ANP32A: variants seen among roughly 807,000 people sequenced by gnomAD.
The protein encoded by ANP32A is acidic leucine-rich nuclear phosphoprotein 32 family member A.
Under a neutral mutation model 33.9 loss-of-function variants are expected in ANP32A, and 1 was observed. The ratio of observed to expected loss-of-function variants is 0.03; its 90% CI spans 0.01 to 0.14. The LOEUF is 0.14. ANP32A is among the 10% of genes least tolerant of loss of function. The pLI is 1.00. For missense variants in ANP32A, 155 were observed against 306.0 expected (o/e 0.51, Z 3.68); for synonymous variants, 115 against 120.5 (o/e 0.95, Z 0.30).
In ANP32A at chr15:68,819,658, GAGAA is replaced by G. The variant is rs374007200; in HGVS notation, c.54+1036_54+1039del. ...AATGGCTGCCGACAAGCCCAGCACTGAGAAAGACGGGCCGGGGGTTCGAGCTGGG... is the reference window on the plus strand; with the variant it reads ...AATGGCTGCCGACAAGCCCAGCACTGAGACGGGCCGGGGGTTCGAGCTGGG... On this transcript the variant is annotated intron_variant, in intron 1 of 6. Transcript: ENST00000465139. Among the ~76,000 whole-genome samples, 60 of 152,334 alleles carry G rather than the reference GAGAA, an allele frequency of 3.9e-4. 1 individual carries two copies. In the East Asian group the frequency reaches 8.5e-3, roughly 22 times the overall value.
chr15:68,803,169 T>C (rs968889284), intron 1 of ANP32A, among the ~76,000 whole-genome samples: 5 of 152,230 alleles, frequency 3.3e-5, no homozygotes, highest in African/African-American at 1.2e-4. Flanking sequence ...GGAAGCCATC[T>C]GACCTTTGTA....
intron 1 of ANP32A, among the ~76,000 whole-genome samples, chr15:68,793,960 T>A (rs2140363754): frequency 6.6e-6 from 1 of 152,294 alleles, no homozygotes; most frequent in East Asian, 1.9e-4. Flanking sequence ...CTTTTTCTAG[T>A]ACTTCCTGAG....
intron 4 of ANP32A, among the ~76,000 whole-genome samples, chr15:68,784,021 A>G (rs1893902476): frequency 6.6e-6 from 1 of 152,166 alleles, no homozygotes; most frequent in Non-Finnish European, 1.5e-5. Flanking sequence ...GTCACACTAC[A>G]GAAAGACTGT....
intron 1 of ANP32A, among the ~76,000 whole-genome samples, chr15:68,805,077 C>T (rs1894197878): frequency 6.6e-6 from 1 of 152,140 alleles, no homozygotes; most frequent in South Asian, 2.1e-4. Flanking sequence ...TAAAATAAAC[C>T]CTGGGGGCCC....
chr15:68,819,902 C>T (rs1487008631), intron 1 of ANP32A, among the ~76,000 whole-genome samples: 1 of 152,108 alleles, frequency 6.6e-6, no homozygotes, highest in African/African-American at 2.4e-5. Context: ...AGCATCTGGC[C>T]CGAAGGTGGG....
chr15:68,790,676 C>A (rs1466015603), intron 1 of ANP32A: 2 of 152,176 alleles, frequency 1.3e-5, no homozygotes, highest in Non-Finnish European at 2.9e-5. Flanking sequence ...CACGTCCGAA[C>A]TGCTTATCCT....
At chr15:68,789,023 A>G (rs531792025) in intron 1 of ANP32A, among the ~76,000 whole-genome samples, 2 of 152,330 alleles carry the variant, frequency 1.3e-5, no homozygotes, top group African/African-American at 4.8e-5. Context: ...GCATGAAATG[A>G]CCCTGGGAGT....
At chr15:68,792,454 G>A (rs1040023260) in intron 1 of ANP32A, among the ~76,000 whole-genome samples, 5 of 152,102 alleles carry the variant, frequency 3.3e-5, no homozygotes, top group Admixed American at 3.3e-4. Flanking sequence ...GATTGCTGGG[G>A]GTCCTGTACT....
intron 1 of ANP32A, among the ~76,000 whole-genome samples, chr15:68,812,092 C>T (rs993761046): frequency 2.0e-5 from 3 of 151,772 alleles, no homozygotes; most frequent in Admixed American, 2.0e-4. Flanking sequence ...GGTGTTCTAA[C>T]GGCAACAACA....
chr15:68,800,743 CAAAA>C (rs398070692), intron 1 of ANP32A, among the ~76,000 whole-genome samples: 2 of 83,628 alleles, frequency 2.4e-5, no homozygotes, highest in African/African-American at 4.6e-5. Flanking sequence ...GACTCCGTCT[CAAAA>C]AAAAAAAAAA....
At chr15:68,792,445 A>G (rs1317474521) in intron 1 of ANP32A, among the ~76,000 whole-genome samples, 1 of 152,204 alleles carries the variant, frequency 6.6e-6, no homozygotes, top group African/African-American at 2.4e-5. Context: ...AAGATGTCAG[A>G]TTGCTGGGGG....
Position 68,803,435 on chromosome 15 carries a change from G to GAAT in ANP32A, c.55-15519_55-15517dup, listed in dbSNP as rs1329627609. On this transcript the variant is annotated intron_variant, in intron 1 of 6. Transcript: ENST00000465139. ...AATTCTCTTTTCTTAGAGGAGTCTG[G>GAAT]AATACACTGCTACTTATTTTTTAAA... Among the ~76,000 whole-genome samples the GAAT allele has an allele frequency of 3.3e-5, 5 of 152,302 alleles. No homozygotes were observed. In the South Asian group the frequency reaches 8.3e-4, roughly 25 times the overall value.
chr15:68,810,043 G>C (rs1022423629), intron 1 of ANP32A, among the ~76,000 whole-genome samples: 3 of 152,202 alleles, frequency 2.0e-5, no homozygotes, highest in African/African-American at 7.2e-5. Flanking sequence ...GGAGGAGGCT[G>C]GAGATGGTAA....
At chr15:68,802,761 T>C (rs1372609545) in intron 1 of ANP32A, among the ~76,000 whole-genome samples, 1 of 152,218 alleles carries the variant, frequency 6.6e-6, no homozygotes, top group Non-Finnish European at 1.5e-5. Context: ...CAAGTGATTC[T>C]CCTGCCTCAG....
intron 1 of ANP32A, among the ~76,000 whole-genome samples, chr15:68,819,236 C>T (rs1207705643): frequency 1.3e-5 from 2 of 152,100 alleles, no homozygotes; most frequent in African/African-American, 4.8e-5. Context: ...GGGCGTCCTC[C>T]CGCCAGCGCG....
chr15:68,809,884 C>T (rs965389657), intron 1 of ANP32A, among the ~76,000 whole-genome samples: 4 of 152,198 alleles, frequency 2.6e-5, no homozygotes, highest in Admixed American at 2.0e-4. Context: ...AAAGCAAGTC[C>T]CTCAAATCGT....
chr15:68,782,755 C>T, intron 5 of ANP32A: 2 of 952,042 alleles, frequency 2.1e-6, no homozygotes, highest in Non-Finnish European at 1.5e-6. Flanking sequence ...TCTTCTAATC[C>T]AGCCTCCCCA....
intron 1 of ANP32A, among the ~76,000 whole-genome samples, chr15:68,792,475 C>T (rs1894010403): frequency 6.6e-6 from 1 of 152,230 alleles, no homozygotes; most frequent in Non-Finnish European, 1.5e-5. Flanking sequence ...TCCTGAAAAA[C>T]TTGTCCCCAA....
At chr15:68,813,254 T>G (rs1449499050) in intron 1 of ANP32A, among the ~76,000 whole-genome samples, 1 of 152,196 alleles carries the variant, frequency 6.6e-6, no homozygotes, top group Admixed American at 6.5e-5. Context: ...GGGCTTGGTG[T>G]GGTAGAATAA....
Sources: allele counts gnomAD v4.1 joint callset (sites outside exome capture counted in the v4.1 genomes callset), GRCh38; gene constraint gnomAD v4.1.1; transcripts MANE v1.5; gene names NCBI Gene and HGNC (gene_info 2026-07-23, HGNC 2026-07-21).